The following MASP1 variants were observed in gnomAD, a reference collection of about 807,000 sequenced individuals.
The protein encoded by MASP1 is mannan-binding lectin serine protease 1.
A neutral mutation model predicts 77.1 loss-of-function variants in MASP1; 59 were observed. The ratio of observed to expected loss-of-function variants is 0.77; its 90% CI spans 0.62 to 0.95. The LOEUF (loss-of-function observed/expected upper bound fraction) is 0.95. Among genes scored for constraint, MASP1 ranks in the 40% least tolerant of loss-of-function variants. The pLI is 0.00. For missense variants in MASP1, 885 were observed against 912.9 expected, an observed-to-expected ratio of 0.97 and a Z score of 0.39; for synonymous variants, 362 against 354.5, an observed-to-expected ratio of 1.02 and a Z score of -0.24.
intron 2 of MASP1, among the ~76,000 whole-genome samples, chr3:187,270,239 T>A (rs986560072): frequency 1.3e-5 from 2 of 152,202 alleles, no homozygotes; most frequent in African/African-American, 4.8e-5. Flanking sequence ...CAAATTTTAG[T>A]CAGGCTTCTG....
chr3:187,246,737 C>T, intron 8 of MASP1: 1 of 980,874 alleles, frequency 1.0e-6, no homozygotes, highest in Non-Finnish European at 1.2e-6. Context: ...CCCCAGAAGA[C>T]AGAACCTCTA....
chr3:187,253,327 G>GCAA lies in MASP1; in HGVS notation c.745-13_745-12insTTG. On this transcript the variant is annotated splice_polypyrimidine_tract_variant and intron_variant, in intron 5 of 10. Transcript: ENST00000296280. ...GGACCAACTTTGATCTGCAAAATAT[G>GCAA]AGAGAGAGAGAGAGAAATAGAGTGT... The GCAA allele has an allele frequency of 7.0e-7, 1 of 1,437,798 alleles. No homozygotes were observed. Among genetic ancestry groups the GCAA allele is most frequent in the Non-Finnish European group, 9.6e-7 (1 of 1,046,778 alleles). 89.1% of individuals were successfully genotyped at this position (1,437,798 alleles called of 1,614,324 possible). A position where few individuals can be genotyped will look rare whatever the true frequency, so the allele number is the denominator to read the frequency against.
chr3:187,257,465 C>G (rs1715191911), intron 4 of MASP1, among the ~76,000 whole-genome samples: 1 of 152,106 alleles, frequency 6.6e-6, no homozygotes, highest in African/African-American at 2.4e-5. Flanking sequence ...TCGCCTCCAC[C>G]TCCACCTCCA....
At chr3:187,290,328 C>T (rs1328340478) in intron 1 of MASP1, among the ~76,000 whole-genome samples, 2 of 152,120 alleles carry the variant, frequency 1.3e-5, no homozygotes, top group South Asian at 2.1e-4. Context: ...AAGAAGGTTG[C>T]TCCAGGTTGA....
At chr3:187,274,724 G>T (rs887869826) in intron 2 of MASP1, among the ~76,000 whole-genome samples, 3 of 152,142 alleles carry the variant, frequency 2.0e-5, no homozygotes, top group Non-Finnish European at 4.4e-5. Context: ...AAGAATGTGG[G>T]GGCCTGAGAA....
rs1283360096 is a variant in MASP1 at position 187,286,023 on chromosome 3, G to A, written c.39C>T (p.Ser13=). 4 of 1,614,164 alleles carry A rather than the reference G, an allele frequency of 2.5e-6. No individual in the cohort carries two copies. The highest frequency in any genetic ancestry group is 1.7e-5 in the Admixed American group (1 of 60,024). Residue 13 remains serine, a synonymous_variant, in exon 2 of 11, where the codon TCC becomes TCT. Transcript: ENST00000296280. ...CGGTGTGGGCTGAAGCCTTTGACAG[G>A]GAGAAGCACAGAGCATAATAGAGAA... ...WLLLYYALCF[S]LSKASAHTVE...
rs850312 is a variant in MASP1 at position 187,236,020 on chromosome 3, C to T, written c.1851G>A (p.Leu617=). ...GCACCACGGGTAACTTGACATACTGCAGGACATCTGACAAGGTCCGTGTGC... is the reference window on the plus strand; with the variant it reads ...GCACCACGGGTAACTTGACATACTGTAGGACATCTGACAAGGTCCGTGTGC... ...SSGTRTLSDV[L]QYVKLPVVPH... The change falls in exon 11 of 11, where the codon CTG becomes CTA. Residue 617 remains leucine (L), a synonymous_variant. Transcript: ENST00000296280. 0.32 allele frequency: 510,446 copies of T among 1,614,026 alleles called. 84,597 individuals are homozygous for T. Among genetic ancestry groups the T allele is most frequent in the Non-Finnish European group, 0.34 (403,290 of 1,179,972 alleles).
chr3:187,245,761 G>A (rs1164140229), intron 8 of MASP1, among the ~76,000 whole-genome samples: 1 of 152,208 alleles, frequency 6.6e-6, no homozygotes, highest in Non-Finnish European at 1.5e-5. Flanking sequence ...TGTCTGGCCA[G>A]TTCCGCACTC....
chr3:187,226,331 G>A lies in MASP1; in HGVS notation c.1555+76C>T, dbSNP rs141279750. On this transcript the variant is annotated intron_variant, in intron 12 of 15. Coordinates refer to the MASP1 transcript ENST00000337774. ...AGTGAGCGAGTGAGTGAGCAGACAC[G>A]CCTTGGAAAGGGCCAGTAGGTCATT... The A allele has an allele frequency of 2.0e-4, 217 of 1,073,582 alleles. No homozygotes were observed. In the Middle Eastern group the frequency reaches 2.2e-3, roughly 11 times the overall value. The allele number at this position is 1,073,582 out of a possible 1,614,324, so 66.5% of individuals were successfully genotyped here. A position where few individuals can be genotyped will look rare whatever the true frequency, so the allele number is the denominator to read the frequency against.
intron 7 of MASP1, among the ~76,000 whole-genome samples, chr3:187,251,035 T>C (rs1714530988): frequency 6.6e-6 from 1 of 152,192 alleles, no homozygotes; most frequent in Non-Finnish European, 1.5e-5. Context: ...CTCAGCTCAC[T>C]GCAACCTCTG....
At chr3:187,253,771 A>T (rs1429915250) in intron 5 of MASP1, among the ~76,000 whole-genome samples, 1 of 152,106 alleles carries the variant, frequency 6.6e-6, no homozygotes, top group Non-Finnish European at 1.5e-5. Context: ...TCTCACTCAT[A>T]AGTGGGAGTT....
At chr3:187,236,667 G>C (rs1713218990) in intron 10 of MASP1, 100 bp from the exon 11 acceptor site, 2 of 1,604,184 alleles carry the variant, frequency 1.2e-6, no homozygotes, top group Non-Finnish European at 1.7e-6. Context: ...ACCCACTATA[G>C]ATTATGCCAC....
rs74491348 is a variant in MASP1, at chr3:187,223,579, A to G, written c.1742-385T>C. 3.9e-4 allele frequency among the ~76,000 whole-genome samples: 59 copies of G among 152,322 alleles called. 1 individual carries two copies. In the East Asian group the frequency reaches 8.7e-3, roughly 22 times the overall value. ...AGCGAATAAATAAAAAGCCCAGCCT[A>G]GTCCACTATGTGCTATGGTGCCTTT... On this transcript the variant is annotated intron_variant, in intron 13 of 15. Coordinates refer to the MASP1 transcript ENST00000337774.
chr3:187,270,221 T>C (rs766459579), intron 2 of MASP1, among the ~76,000 whole-genome samples: 43 of 152,238 alleles, frequency 2.8e-4, no homozygotes, highest in Non-Finnish European at 4.0e-4. Flanking sequence ...AAAGATTCTT[T>C]GCTTAGCCAA....
At chr3:187,246,769 G>T in intron 8 of MASP1, 1 of 961,002 alleles carries the variant, frequency 1.0e-6, no homozygotes, top group Non-Finnish European at 1.2e-6. Flanking sequence ...TCAGCCCTGC[G>T]CCAGATAGGG....
intron 10 of MASP1, among the ~76,000 whole-genome samples, chr3:187,237,290 G>A (rs550376742): frequency 3.3e-5 from 5 of 152,210 alleles, no homozygotes; most frequent in African/African-American, 1.2e-4. Flanking sequence ...GAGTTTAAGT[G>A]ACTAGCCCAA....
intron 8 of MASP1, chr3:187,243,860 C>G: frequency 1.8e-6 from 1 of 558,878 alleles, no homozygotes; most frequent in Non-Finnish European, 3.2e-6. Flanking sequence ...GTCAACTCAC[C>G]TGCCCAGTGT....
chr3:187,284,644 GT>G, intron 2 of MASP1, among the ~76,000 whole-genome samples: 1 of 152,218 alleles, frequency 6.6e-6, no homozygotes. Flanking sequence ...CTTAGGCTCA[GT>G]GGAGAATAGC....
At chr3:187,273,979 G>T (rs189282105) in intron 2 of MASP1, among the ~76,000 whole-genome samples, 58 of 152,294 alleles carry the variant, frequency 3.8e-4, no homozygotes, top group African/African-American at 1.3e-3. Context: ...GGAGGCCGAG[G>T]TGGGTAAATC....
Sources: allele counts gnomAD v4.1 joint callset (sites outside exome capture counted in the v4.1 genomes callset), GRCh38; gene constraint gnomAD v4.1.1; transcripts MANE v1.5; gene names NCBI Gene and HGNC (gene_info 2026-07-23, HGNC 2026-07-21).